The following SUGCT variants were observed in gnomAD, a reference collection of about 807,000 sequenced individuals.
SUGCT encodes succinyl-CoA:glutarate-CoA transferase.
A neutral mutation model predicts 55.0 loss-of-function variants in SUGCT; 41 were observed. The ratio of observed to expected loss-of-function variants is 0.74; its 90% CI spans 0.58 to 0.97. The LOEUF (loss-of-function observed/expected upper bound fraction) is 0.97, where lower values mean the gene tolerates loss of function less well. Among genes scored for constraint, SUGCT ranks in the 50% least tolerant of loss-of-function variants. The pLI is 0.00. For missense variants in SUGCT, 568 were observed against 547.8 expected (o/e 1.04, Z -0.37); for synonymous variants, 187 against 200.4 (o/e 0.93, Z 0.56).
intron 12 of SUGCT, among the ~76,000 whole-genome samples, chr7:40,511,747 A>G (rs923346829): frequency 2.0e-5 from 3 of 152,224 alleles, no homozygotes; most frequent in African/African-American, 7.2e-5. Context: ...TAAAGCGTAT[A>G]ATGGCAAAGG....
intron 12 of SUGCT, among the ~76,000 whole-genome samples, chr7:40,520,866 A>G (rs1476973947): frequency 6.6e-6 from 1 of 152,122 alleles, no homozygotes; most frequent in Non-Finnish European, 1.5e-5. Context: ...AAGAATGGAG[A>G]TATTTAAAGG....
chr7:41,024,935 T>C, the SUGCT span, among the ~76,000 whole-genome samples: 1 of 152,248 alleles, frequency 6.6e-6, no homozygotes, highest in Non-Finnish European at 1.5e-5. Context: ...CATGGGCGTG[T>C]ATAAGTTGTC....
intron 12 of SUGCT, among the ~76,000 whole-genome samples, chr7:40,614,968 A>G (rs1289445156): frequency 6.6e-6 from 1 of 151,996 alleles, no homozygotes; most frequent in African/African-American, 2.4e-5. Flanking sequence ...AGGTGAGAGA[A>G]TTGCTTAAAC....
intron 9 of SUGCT, among the ~76,000 whole-genome samples, chr7:40,385,219 A>G (rs768163498): frequency 6.6e-6 from 1 of 152,146 alleles, no homozygotes; most frequent in Non-Finnish European, 1.5e-5. Context: ...GGTGAAGAGA[A>G]AAGGAGGATT....
intron 9 of SUGCT, among the ~76,000 whole-genome samples, chr7:40,336,499 T>G (rs2151163721): frequency 6.6e-6 from 1 of 152,318 alleles, no homozygotes; most frequent in Admixed American, 6.5e-5. Flanking sequence ...GTCCAGGAAT[T>G]TATCCATTTC....
chr7:40,417,107 T>G (rs1787045217), intron 9 of SUGCT, among the ~76,000 whole-genome samples: 1 of 152,018 alleles, frequency 6.6e-6, no homozygotes, highest in Admixed American at 6.5e-5. Flanking sequence ...TATTTTCTGC[T>G]CGCCTTTCTT....
At chr7:40,280,613 T>G (rs1388146522) in intron 8 of SUGCT, among the ~76,000 whole-genome samples, 1 of 152,210 alleles carries the variant, frequency 6.6e-6, no homozygotes, top group East Asian at 1.9e-4. Context: ...ATGAACATAT[T>G]CAAGTAGAAA....
chr7:40,504,553 G>A (rs1792483051), intron 12 of SUGCT, among the ~76,000 whole-genome samples: 1 of 151,988 alleles, frequency 6.6e-6, no homozygotes. Context: ...TCATGCCTCA[G>A]CCTTCCCAGT....
At chr7:40,837,321 A>G (rs924711202) in intron 13 of SUGCT, among the ~76,000 whole-genome samples, 4 of 152,148 alleles carry the variant, frequency 2.6e-5, no homozygotes, top group Admixed American at 2.0e-4. Context: ...TATAAATTCT[A>G]GGTACTAGTT....
chr7:40,219,745 ACTT>A (rs1393778684), intron 6 of SUGCT, among the ~76,000 whole-genome samples: 1 of 152,072 alleles, frequency 6.6e-6, no homozygotes, highest in Non-Finnish European at 1.5e-5. Context: ...AAACTAAAAA[ACTT>A]CTTATCACCA....
intron 7 of SUGCT, among the ~76,000 whole-genome samples, chr7:40,241,688 G>A (rs925330728): frequency 6.6e-6 from 1 of 151,664 alleles, no homozygotes; most frequent in African/African-American, 2.4e-5. Flanking sequence ...TTGGGAGGCC[G>A]AGGCAGGCAG....
At chr7:41,009,838 C>CTT in the SUGCT span, among the ~76,000 whole-genome samples, 1 of 152,200 alleles carries the variant, frequency 6.6e-6, no homozygotes, top group Admixed American at 6.5e-5. Flanking sequence ...AAACTCTGGG[C>CTT]TATACTGAAG....
chr7:40,662,251 G>C (rs1801365596), intron 12 of SUGCT, among the ~76,000 whole-genome samples: 1 of 152,188 alleles, frequency 6.6e-6, no homozygotes, highest in Non-Finnish European at 1.5e-5. Flanking sequence ...TACCAGCTCT[G>C]TTGCTGAAAC....
At chr7:40,255,610 G>C (rs894536103) in intron 7 of SUGCT, among the ~76,000 whole-genome samples, 1 of 130,380 alleles carries the variant, frequency 7.7e-6, no homozygotes, top group South Asian at 2.5e-4. Flanking sequence ...GCAGTGAGCC[G>C]AGATCACGCC....
the SUGCT span, among the ~76,000 whole-genome samples, chr7:40,911,423 T>G: frequency 6.6e-6 from 1 of 151,998 alleles, no homozygotes; most frequent in Non-Finnish European, 1.5e-5. Flanking sequence ...AAATTTTTAG[T>G]TGGGTGTGGT....
intron 8 of SUGCT, among the ~76,000 whole-genome samples, chr7:40,304,750 A>G (rs1794755681): frequency 1.2e-5 from 1 of 80,586 alleles, no homozygotes; most frequent in Non-Finnish European, 2.3e-5. Context: ...TAATAATAAT[A>G]ATAATAATAA....
rs376933374 is a variant in SUGCT at position 40,371,923 on chromosome 7, G to T, written c.816+55068G>T. Among the ~76,000 whole-genome samples the T allele has an allele frequency of 1.1e-4, 17 of 150,230 alleles. No homozygotes were observed. The South Asian group carries it at 3.6e-3, about 32-fold the overall frequency. On this transcript the variant is annotated intron_variant, in intron 9 of 13. Coordinates refer to ENST00000335693, the MANE Select transcript of SUGCT (RefSeq NM_001193313.2). ...AAACAAAAAGTATAATTATTGCTTT[G>T]GATGTATGTATATACATCTCGAACA...
At chr7:40,218,285 T>A (rs1787790768) in intron 6 of SUGCT, among the ~76,000 whole-genome samples, 1 of 152,188 alleles carries the variant, frequency 6.6e-6, no homozygotes, top group Non-Finnish European at 1.5e-5. Context: ...TATTATTTGC[T>A]CATTGGAGAA....
chr7:40,820,828 C>T (rs1791951223), intron 13 of SUGCT, among the ~76,000 whole-genome samples: 1 of 152,198 alleles, frequency 6.6e-6, no homozygotes, highest in Non-Finnish European at 1.5e-5. Context: ...GAAAGGGCAT[C>T]CCTGTCTTGT....
Sources: allele counts gnomAD v4.1 joint callset (sites outside exome capture counted in the v4.1 genomes callset), GRCh38; gene constraint gnomAD v4.1.1; transcripts MANE v1.5; gene names NCBI Gene and HGNC (gene_info 2026-07-23, HGNC 2026-07-21).